Variants in HECW1 observed in about 807,000 individuals in gnomAD.
HECW1 encodes the protein HECT, C2 and WW domain containing E3 ubiquitin protein ligase 1.
Under a neutral mutation model 182.3 loss-of-function variants are expected in HECW1, and 61 were observed. The ratio of observed to expected loss-of-function variants is 0.33; its 90% CI spans 0.27 to 0.41. The LOEUF is 0.41. Ranked by LOEUF, HECW1 falls within the 10% of genes least tolerant of loss-of-function variation. HECW1 has a pLI of 1.00. For missense variants in HECW1, 1,739 were observed against 2,108.9 expected, an observed-to-expected ratio of 0.82 and a Z score of 3.44; for synonymous variants, 859 against 832.6, an observed-to-expected ratio of 1.03 and a Z score of -0.55.
intron 2 of HECW1, among the ~76,000 whole-genome samples, chr7:43,162,372 C>T (rs1454041616): frequency 6.6e-6 from 1 of 152,202 alleles, no homozygotes; most frequent in Non-Finnish European, 1.5e-5. Context: ...TGCCTTTCCT[C>T]TCCTAGCTTC....
chr7:43,296,402 T>C (rs1806055622), intron 3 of HECW1, among the ~76,000 whole-genome samples: 1 of 152,180 alleles, frequency 6.6e-6, no homozygotes, highest in Non-Finnish European at 1.5e-5. Context: ...GGCTCAGCTT[T>C]TCTTGTTGCC....
intron 3 of HECW1, among the ~76,000 whole-genome samples, chr7:43,281,478 A>G (rs10264353): frequency 0.4 from 60,935 of 152,110 alleles, 18,115 homozygotes; most frequent in African/African-American, 0.84. Flanking sequence ...GTTATTCAGA[A>G]GTTGTGCAAT....
chr7:43,250,180 G>A (rs1184538744), intron 3 of HECW1, among the ~76,000 whole-genome samples: 2 of 151,680 alleles, frequency 1.3e-5, no homozygotes, highest in African/African-American at 2.4e-5. Context: ...AAATAAAACT[G>A]GATTTGGTAG....
chr7:43,428,602 T>C (rs1016466177), intron 8 of HECW1, among the ~76,000 whole-genome samples: 5 of 152,206 alleles, frequency 3.3e-5, no homozygotes, highest in Admixed American at 6.5e-5. Context: ...TACTGACTGA[T>C]TGGATATGGG....
chr7:43,488,434 G>GAGAAAGAAAGAAAGAAAGAAAGAA (rs796394625), intron 17 of HECW1, among the ~76,000 whole-genome samples: 10 of 93,136 alleles, frequency 1.1e-4, no homozygotes, highest in African/African-American at 1.8e-4. Flanking sequence ...AAGAAAGAAA[G>GAGAAAGAAAGAAAGAAAGAAAGAA]AGAAAGAAAG....
intron 3 of HECW1, among the ~76,000 whole-genome samples, chr7:43,287,596 C>T (rs940397029): frequency 2.6e-5 from 4 of 152,150 alleles, no homozygotes; most frequent in Admixed American, 2.0e-4. Flanking sequence ...CCTCAGCCTC[C>T]CAATGTGCTG....
chr7:43,447,547 C>T (rs899803738), intron 11 of HECW1, among the ~76,000 whole-genome samples: 5 of 152,170 alleles, frequency 3.3e-5, no homozygotes, highest in Non-Finnish European at 5.9e-5. Context: ...TAAAAAGATT[C>T]CCGAGGGGTC....
At position 43,463,792 on chromosome 7, in the gene HECW1, C is replaced by T; in HGVS notation, c.2784C>T (p.Ser928=). The change falls in exon 14 of 30, where the codon TCC becomes TCT. Residue 928 remains serine (S), a synonymous_variant. Coordinates refer to ENST00000395891, the MANE Select transcript of HECW1 (RefSeq NM_015052.5). ...ACTCAGAAGCCGAATCTTCCCAGTC[C>T]AGCTTAGGTATTGGAGGAGGGGTCC... ...GSDSEAESSQ[S]SLDLRREGSL... 1.2e-6 allele frequency: 2 copies of T among 1,613,764 alleles called. No individual in the cohort carries two copies. The highest frequency in any genetic ancestry group is 1.7e-6 in the Non-Finnish European group (2 of 1,179,896).
intron 13 of HECW1, among the ~76,000 whole-genome samples, chr7:43,457,255 A>G (rs1347304353): frequency 6.6e-6 from 1 of 152,200 alleles, no homozygotes; most frequent in Admixed American, 6.5e-5. Context: ...GATACTTTTA[A>G]TTACCAGGAA....
Position 43,360,951 on chromosome 7 carries a change from A to C in HECW1, c.526A>C (p.Ser176Arg). Residue 176 changes from serine (S) to arginine (R), a missense_variant, in exon 6 of 30, where the codon AGT becomes CGT. By Grantham distance (110) the Ser-to-Arg change is moderately radical. Around this residue, in one of 5 missense-constraint regions of HECW1, gnomAD observed 279 missense variants for 353.1 expected, o/e 0.79. Transcript: ENST00000395891. ...TGGGGCCCTGCGAGCAACCACCCCC[A>C]GTGTCACGGTCAAAAACTCGGCAGC... ...VSGALRATTP[S>R]VTVKNSAAPI... 1 of 1,612,964 alleles carries C rather than the reference A, an allele frequency of 6.2e-7. No homozygotes were observed. The highest frequency in any genetic ancestry group is 1.7e-4 in the Middle Eastern group (1 of 6,050).
intron 2 of HECW1, among the ~76,000 whole-genome samples, chr7:43,183,933 C>T (rs1040780516): frequency 6.6e-6 from 1 of 151,562 alleles, no homozygotes. Context: ...TTAACATTTT[C>T]TTCATCACTG....
At chr7:43,211,678 C>T (rs1023328168) in intron 2 of HECW1, among the ~76,000 whole-genome samples, 19 of 152,278 alleles carry the variant, frequency 1.2e-4, no homozygotes, top group Admixed American at 3.3e-4. Flanking sequence ...AAAAGGGGGG[C>T]GTTCCCCCTT....
intron 26 of HECW1, among the ~76,000 whole-genome samples, chr7:43,546,212 C>A (rs1444711733): frequency 1.3e-5 from 2 of 149,816 alleles, no homozygotes; most frequent in Non-Finnish European, 3.0e-5. Flanking sequence ...AACCCTTTAC[C>A]CCCAACCTTT....
chr7:43,442,076 C>T, intron 9 of HECW1, among the ~76,000 whole-genome samples: 1 of 152,222 alleles, frequency 6.6e-6, no homozygotes. Context: ...GCCATAGCTC[C>T]CAGTCAGCCA....
intron 2 of HECW1, among the ~76,000 whole-genome samples, chr7:43,215,246 C>G (rs528689438): frequency 6.6e-6 from 1 of 152,198 alleles, no homozygotes; most frequent in African/African-American, 2.4e-5. Context: ...TTGCTGTGCC[C>G]GCATTAACCC....
At chr7:43,290,689 G>A (rs756230011) in intron 3 of HECW1, among the ~76,000 whole-genome samples, 26 of 152,196 alleles carry the variant, frequency 1.7e-4, no homozygotes, top group Non-Finnish European at 3.5e-4. Context: ...TGACAGGGAC[G>A]TCATAACGTC....
intron 6 of HECW1, among the ~76,000 whole-genome samples, chr7:43,371,986 A>T (rs1223890434): frequency 2.6e-5 from 4 of 151,788 alleles, no homozygotes; most frequent in Admixed American, 2.6e-4. Context: ...CGCCCCGCTA[A>T]TTTTTTTGTA....
intron 4 of HECW1, among the ~76,000 whole-genome samples, chr7:43,315,062 G>A (rs1809032298): frequency 6.6e-6 from 1 of 152,206 alleles, no homozygotes; most frequent in Admixed American, 6.5e-5. Context: ...AGAGGCCAGG[G>A]TTGTGATGCT....
intron 3 of HECW1, among the ~76,000 whole-genome samples, chr7:43,290,148 T>C (rs1336394090): frequency 1.3e-5 from 2 of 152,252 alleles, no homozygotes; most frequent in African/African-American, 4.8e-5. Flanking sequence ...AAGGCCTGTC[T>C]GCATTCATGT....
Sources: allele counts gnomAD v4.1 joint callset (sites outside exome capture counted in the v4.1 genomes callset), GRCh38; gene constraint gnomAD v4.1.1; regional missense constraint gnomAD v4.1.1; transcripts MANE v1.5; gene names NCBI Gene and HGNC (gene_info 2026-07-23, HGNC 2026-07-21).